GRID2: variants seen among roughly 807,000 people sequenced by gnomAD.
GRID2 encodes the protein glutamate ionotropic receptor delta type subunit 2.
In GRID2, 33 loss-of-function variants were observed where a neutral mutation model predicts 114.8. The observed-to-expected ratio is 0.29, with a 90% CI of 0.22 to 0.38. The LOEUF is 0.38. Among genes scored for constraint, GRID2 ranks in the 10% least tolerant of loss-of-function variants. The pLI is 1.00. For missense variants in GRID2, 1,184 were observed against 1,257.7 expected (o/e 0.94, Z 0.89); for synonymous variants, 505 against 449.9 (o/e 1.12, Z -1.55).
At chr4:92,683,248 G>C (rs62310184) in intron 2 of GRID2, among the ~76,000 whole-genome samples, 9,660 of 151,526 alleles carry the variant, frequency 0.064, 324 homozygotes, top group East Asian at 0.087. Context: ...GCAGTGAGTG[G>C]AGATCGCGCC....
At chr4:92,722,900 A>ATC in intron 2 of GRID2, among the ~76,000 whole-genome samples, 1 of 152,268 alleles carries the variant, frequency 6.6e-6, no homozygotes, top group Admixed American at 6.5e-5. Context: ...ATAGAAAAGG[A>ATC]TCTCAAACTT....
intron 1 of GRID2, among the ~76,000 whole-genome samples, chr4:92,321,241 CT>C (rs1382275318): frequency 5.3e-5 from 8 of 152,230 alleles, no homozygotes; most frequent in African/African-American, 1.9e-4. Context: ...CTTCGGGCCT[CT>C]TTTTTCCACC....
chr4:92,471,926 C>CTTTTTTTTTTTTTTTTTTT (rs1186215701), intron 1 of GRID2, among the ~76,000 whole-genome samples: 1 of 57,322 alleles, frequency 1.7e-5, no homozygotes, highest in South Asian at 8.1e-4. Context: ...ATCCATATTT[C>CTTTTTTTTTTTTTTTTTTT]TTTTTTTTTT....
At chr4:93,497,190 GTT>G (rs1437426837) in intron 12 of GRID2, among the ~76,000 whole-genome samples, 5 of 151,742 alleles carry the variant, frequency 3.3e-5, no homozygotes, top group African/African-American at 1.2e-4. Flanking sequence ...CATGAAAGGT[GTT>G]TTCATGCTTT....
At chr4:92,365,557 C>G (rs908088184) in intron 1 of GRID2, among the ~76,000 whole-genome samples, 1 of 151,512 alleles carries the variant, frequency 6.6e-6, no homozygotes, top group African/African-American at 2.4e-5. Context: ...CTCAGCTAGA[C>G]AAGAAGAATA....
chr4:93,465,612 G>A (rs9997032), intron 11 of GRID2, among the ~76,000 whole-genome samples: 108,366 of 152,032 alleles, frequency 0.71, 39,067 homozygotes, highest in African/African-American at 0.83. Flanking sequence ...ATGACACAAA[G>A]TCGGCACAGA....
At chr4:93,588,964 T>G (rs1157864634) in intron 13 of GRID2, among the ~76,000 whole-genome samples, 1 of 152,180 alleles carries the variant, frequency 6.6e-6, no homozygotes, top group East Asian at 1.9e-4. Flanking sequence ...ATATACATTA[T>G]ACCCAGAATG....
chr4:93,578,428 T>C (rs898065185), intron 13 of GRID2, among the ~76,000 whole-genome samples: 2 of 152,090 alleles, frequency 1.3e-5, no homozygotes, highest in African/African-American at 4.8e-5. Context: ...ATGGAAATAC[T>C]GTTTTTTGAA....
intron 2 of GRID2, among the ~76,000 whole-genome samples, chr4:92,851,056 T>G (rs1743748719): frequency 6.6e-6 from 1 of 151,930 alleles, no homozygotes; most frequent in Admixed American, 6.6e-5. Flanking sequence ...TAATTAGTAT[T>G]ACTGAAATAT....
chr4:93,463,278 A>T (rs147591310), intron 11 of GRID2, among the ~76,000 whole-genome samples: 59 of 152,316 alleles, frequency 3.9e-4, no homozygotes, highest in African/African-American at 1.3e-3. Flanking sequence ...GTACTAGAAA[A>T]CAGTGCCATG....
chr4:93,293,920 A>G (rs991794136), intron 8 of GRID2, among the ~76,000 whole-genome samples: 1 of 152,232 alleles, frequency 6.6e-6, no homozygotes, highest in Non-Finnish European at 1.5e-5. Flanking sequence ...TTCTAGTGGT[A>G]GGAGACAGAA....
chr4:93,775,364 A>C (rs1468439321), downstream of GRID2, among the ~76,000 whole-genome samples: 2 of 152,144 alleles, frequency 1.3e-5, 1 homozygote, highest in Non-Finnish European at 2.9e-5. Flanking sequence ...CTTCAATCAC[A>C]CCAACATAGG....
At chr4:93,446,189 G>T (rs535919743) in intron 10 of GRID2, among the ~76,000 whole-genome samples, 1 of 151,948 alleles carries the variant, frequency 6.6e-6, no homozygotes, top group East Asian at 1.9e-4. Context: ...ACTCTTCAGC[G>T]AGCAAATTAG....
At chr4:93,096,040 T>A (rs1489993507) in intron 3 of GRID2, among the ~76,000 whole-genome samples, 6 of 151,950 alleles carry the variant, frequency 3.9e-5, no homozygotes, top group Non-Finnish European at 8.8e-5. Context: ...TCATGGGACA[T>A]AATTAGGAGT....
At chr4:92,400,124 A>G (rs1730715654) in intron 1 of GRID2, among the ~76,000 whole-genome samples, 1 of 152,172 alleles carries the variant, frequency 6.6e-6, no homozygotes, top group South Asian at 2.1e-4. Context: ...ATACCATACA[A>G]TTCTCTCTTT....
chr4:92,375,784 TGA>T (rs1729327895), intron 1 of GRID2, among the ~76,000 whole-genome samples: 1 of 152,128 alleles, frequency 6.6e-6, no homozygotes, highest in Non-Finnish European at 1.5e-5. Context: ...TCCAAAAGCA[TGA>T]GGAAATGTGC....
intron 6 of GRID2, among the ~76,000 whole-genome samples, chr4:93,223,952 G>T (rs376371839): frequency 6.6e-6 from 1 of 152,192 alleles, no homozygotes; most frequent in Admixed American, 6.5e-5. Context: ...GAAGAAGAAA[G>T]TATTAATGTA....
chr4:93,396,187 G>A (rs1765316394), intron 9 of GRID2, among the ~76,000 whole-genome samples: 1 of 151,994 alleles, frequency 6.6e-6, no homozygotes, highest in Admixed American at 6.6e-5. Context: ...GGAAGCTGTT[G>A]TTTAATAGGC....
intron 2 of GRID2, among the ~76,000 whole-genome samples, chr4:93,021,910 G>A (rs114374808): frequency 6.7e-6 from 1 of 149,276 alleles, no homozygotes; most frequent in African/African-American, 2.4e-5. Flanking sequence ...AGCTTTTATA[G>A]CTTCAACTCT....
Sources: gnomAD v4.1 joint callset for allele counts (sites outside exome capture counted in the v4.1 genomes callset) on GRCh38, gnomAD v4.1.1 for gene constraint, MANE v1.5 for transcripts, NCBI Gene and HGNC (gene_info 2026-07-23, HGNC 2026-07-21) for gene names.